The following UNC13B variants were observed in gnomAD, a reference collection of about 807,000 sequenced individuals.
UNC13B encodes the protein protein unc-13 homolog B.
A neutral mutation model predicts 211.0 loss-of-function variants in UNC13B; 144 were observed. The ratio of observed to expected loss-of-function variants is 0.68; its 90% CI spans 0.60 to 0.78. The LOEUF is 0.78. UNC13B is among the 30% of genes least tolerant of loss of function. The pLI is 0.00. For missense variants in UNC13B, 1,777 were observed against 2,002.0 expected, an observed-to-expected ratio of 0.89 and a Z score of 2.14; for synonymous variants, 709 against 725.8, an observed-to-expected ratio of 0.98 and a Z score of 0.37.
intron 7 of UNC13B, among the ~76,000 whole-genome samples, chr9:35,272,486 G>C (rs1433626559): frequency 1.3e-5 from 2 of 152,068 alleles, no homozygotes; most frequent in African/African-American, 4.8e-5. Flanking sequence ...TCGAACTCCT[G>C]ACCTCAAGTG....
intron 11 of UNC13B, among the ~76,000 whole-genome samples, chr9:35,317,689 A>ATTT (rs543036863): frequency 8.0e-6 from 1 of 125,556 alleles, no homozygotes; most frequent in Admixed American, 8.1e-5. Context: ...TGCCTGGCTA[A>ATTT]TTTTTTTTTT....
chr9:35,377,707 A>C lies in UNC13B; in HGVS notation c.10063+12A>C, dbSNP rs1212953067. On this transcript the variant is annotated intron_variant, in intron 16 of 39. Transcript: ENST00000635942. ...GATCACCATTACTGGTGAGCAGGCCACAGTTTGAGGGGACAGGAAGGCCTG... is the reference window on the plus strand; with the variant it reads ...GATCACCATTACTGGTGAGCAGGCCCCAGTTTGAGGGGACAGGAAGGCCTG... 12 of 1,611,924 alleles carry C rather than the reference A, an allele frequency of 7.4e-6. No homozygotes were observed. Among genetic ancestry groups the C allele is most frequent in the Non-Finnish European group, 1.0e-5 (12 of 1,178,846 alleles).
At chr9:35,228,843 G>C (rs1276795300) in intron 2 of UNC13B, among the ~76,000 whole-genome samples, 1 of 151,250 alleles carries the variant, frequency 6.6e-6, no homozygotes, top group Non-Finnish European at 1.5e-5. Flanking sequence ...ATTAATACTT[G>C]ATTAATATTT....
At chr9:35,325,957 G>A in intron 11 of UNC13B, among the ~76,000 whole-genome samples, 1 of 152,224 alleles carries the variant, frequency 6.6e-6, no homozygotes, top group East Asian at 1.9e-4. Context: ...GTTCTTGTGT[G>A]AACATAAGTT....
intron 11 of UNC13B, among the ~76,000 whole-genome samples, chr9:35,320,889 G>T (rs1402545842): frequency 6.6e-6 from 1 of 152,136 alleles, no homozygotes; most frequent in Non-Finnish European, 1.5e-5. Flanking sequence ...AGCCAGAGAT[G>T]CCCCGCATTA....
intron 11 of UNC13B, among the ~76,000 whole-genome samples, chr9:35,320,063 G>A (rs551038069): frequency 1.3e-5 from 2 of 152,216 alleles, no homozygotes; most frequent in South Asian, 2.1e-4. Context: ...TGTTGCAAAG[G>A]ACATTTCACT....
At position 35,303,974 on chromosome 9, in the gene UNC13B, T is replaced by C; in HGVS notation, c.4570T>C (p.Ser1524Pro). ...SCLEHGVWWPSEDGDYGYYMF... is the reference protein window; with the variant it reads ...SCLEHGVWWPPEDGDYGYYMF... ...TCTTGAACATGGAGTGTGGTGGCCA[T>C]CAGAGGATGGGGATTATGGATATTA... Residue 1524 changes from serine (S) to proline (P), a missense_variant, in exon 9 of 40, where the codon TCA becomes CCA. Ser to Pro is a moderately conservative substitution (Grantham distance 74). Transcript: ENST00000635942. 2.5e-6 allele frequency: 1 copy of C among 398,784 alleles called. No individual in the cohort carries two copies. The highest frequency in any genetic ancestry group is 4.4e-6 in the Non-Finnish European group (1 of 225,862). 24.7% of individuals were successfully genotyped at this position (398,784 alleles called of 1,614,324 possible).
rs187266140 is a variant in UNC13B, at chr9:35,314,816, T to C, written c.9414+827T>C. 2.6e-3 allele frequency among the ~76,000 whole-genome samples: 380 copies of C among 143,678 alleles called. 3 individuals carry two copies. The highest frequency in any genetic ancestry group is 4.3e-3 in the Non-Finnish European group (281 of 65,690). The allele number at this position is 143,678 out of a possible 152,430, so 94.3% of individuals were successfully genotyped here. A position where few individuals can be genotyped will look rare whatever the true frequency, so the allele number is the denominator to read the frequency against. ...CCCATGGTGTGTATATATATATATA[T>C]ACACCACATTTTTAAAAGCCAAACA... On this transcript the variant is annotated intron_variant, in intron 11 of 39. Transcript: ENST00000635942.
At chr9:35,341,187 T>A (rs1282757145) in intron 11 of UNC13B, among the ~76,000 whole-genome samples, 2 of 152,186 alleles carry the variant, frequency 1.3e-5, no homozygotes, top group Non-Finnish European at 2.9e-5. Flanking sequence ...CCATCTTTGG[T>A]CTAGACTTCT....
intron 1 of UNC13B, among the ~76,000 whole-genome samples, chr9:35,184,656 C>T (rs1822235073): frequency 1.3e-5 from 2 of 151,544 alleles, no homozygotes; most frequent in Admixed American, 1.3e-4. Context: ...TACAGGGAGC[C>T]AAGACCACCG....
chr9:35,399,088 G>A (rs539647585), intron 33 of UNC13B, 54 bp downstream of exon 33: 44 of 1,613,532 alleles, frequency 2.7e-5, no homozygotes, highest in Admixed American at 1.0e-4. Context: ...AGATGCTATC[G>A]GGCAAGGGAG....
chr9:35,180,987 AGG>A (rs1033252665), intron 1 of UNC13B, among the ~76,000 whole-genome samples: 8 of 151,852 alleles, frequency 5.3e-5, no homozygotes, highest in African/African-American at 1.7e-4. Context: ...CCAGGTACTC[AGG>A]AGGCTGACTG....
chr9:35,256,374 T>G (rs1170916908), intron 6 of UNC13B, among the ~76,000 whole-genome samples: 1 of 152,156 alleles, frequency 6.6e-6, no homozygotes, highest in African/African-American at 2.4e-5. Flanking sequence ...AGACATCTAG[T>G]ATAATTTTTA....
chr9:35,257,263 A>T (rs1826933840), intron 6 of UNC13B, among the ~76,000 whole-genome samples: 1 of 149,514 alleles, frequency 6.7e-6, no homozygotes, highest in South Asian at 2.1e-4. Context: ...GTTCAAAACC[A>T]GCCTGGCCAA....
chr9:35,366,649 C>T (rs764943878), intron 11 of UNC13B, among the ~76,000 whole-genome samples: 2 of 152,318 alleles, frequency 1.3e-5, no homozygotes, highest in East Asian at 3.9e-4. Context: ...CTGCTGTCTA[C>T]ACTAATGGCT....
At chr9:35,384,458 A>C in intron 22 of UNC13B, 144 bp downstream of exon 22, 1 of 1,416,524 alleles carries the variant, frequency 7.1e-7, no homozygotes. Context: ...AATGCTACTG[A>C]CACCTGTGGT....
intron 11 of UNC13B, among the ~76,000 whole-genome samples, chr9:35,338,463 A>C (rs1479336883): frequency 3.9e-5 from 6 of 152,168 alleles, no homozygotes; most frequent in Non-Finnish European, 8.8e-5. Flanking sequence ...CATGCTCCTC[A>C]GGGAAGGAGC....
In UNC13B at chr9:35,237,829, G is replaced by A. The variant is rs748481425; in HGVS notation, c.394+3G>A. On this transcript the variant is annotated splice_donor_region_variant and intron_variant, in intron 5 of 39. Transcript: ENST00000635942. Reference sequence around the variant, plus strand: ...TACAAGATTTGAGTTGCCTTTTGGTGAGTAAAATTTTAAAACTATTTAATA... The same window carrying A: ...TACAAGATTTGAGTTGCCTTTTGGTAAGTAAAATTTTAAAACTATTTAATA... 4 of 1,599,144 alleles carry A rather than the reference G, an allele frequency of 2.5e-6. No individual in the cohort carries two copies. In the South Asian group the frequency reaches 4.5e-5, roughly 18 times the overall value.
rs375688301 is a variant in UNC13B at position 35,162,019 on chromosome 9, G to A, written c.-265G>A. The A allele has an allele frequency of 5.6e-6, 3 of 539,016 alleles. No homozygotes were observed. The highest frequency in any genetic ancestry group is 4.1e-5 in the African/African-American group (2 of 49,274). The allele number at this position is 539,016 out of a possible 1,614,324, so 33.4% of individuals were successfully genotyped here. A position where few individuals can be genotyped will look rare whatever the true frequency, so the allele number is the denominator to read the frequency against. ...GGAATGACGGGAGGGAGTCCCGGCAGCTCCTACCTCCCAGCGATGGCGTCG... is the reference window on the plus strand; with the variant it reads ...GGAATGACGGGAGGGAGTCCCGGCAACTCCTACCTCCCAGCGATGGCGTCG... On this transcript the variant is annotated 5_prime_UTR_variant, in exon 1 of 40. Coordinates refer to ENST00000635942, the MANE Select transcript of UNC13B (RefSeq NM_001371189.2).
Sources: allele counts gnomAD v4.1 joint callset (sites outside exome capture counted in the v4.1 genomes callset), GRCh38; gene constraint gnomAD v4.1.1; transcripts MANE v1.5; gene names NCBI Gene and HGNC (gene_info 2026-07-23, HGNC 2026-07-21).